RNF122: variants seen among roughly 807,000 people sequenced by gnomAD.
The protein encoded by RNF122 is ring finger protein 122.
In RNF122, 17 loss-of-function variants were observed where a neutral mutation model predicts 24.2. That is an observed-to-expected ratio of 0.70 (90% confidence interval 0.48 to 1.06). The LOEUF (loss-of-function observed/expected upper bound fraction) is 1.06. Among genes scored for constraint, RNF122 ranks in the 50% least tolerant of loss-of-function variants. The pLI is 0.00. For synonymous variants in RNF122, 65 were observed against 71.8 expected (o/e 0.91, Z 0.48); for missense variants, 168 against 198.1 (o/e 0.85, Z 0.91).
At chr8:33,559,282 G>T (rs1222299361) in intron 1 of RNF122, among the ~76,000 whole-genome samples, 1 of 151,686 alleles carries the variant, frequency 6.6e-6, no homozygotes, top group Admixed American at 6.6e-5. Context: ...CACCAGCCTG[G>T]GTGACAGCGT....
intron 1 of RNF122, among the ~76,000 whole-genome samples, chr8:33,562,556 A>AG (rs1428210890): frequency 6.6e-6 from 1 of 151,654 alleles, no homozygotes; most frequent in Middle Eastern, 3.4e-3. Flanking sequence ...AAAAAGAAAA[A>AG]GAAAAAAAAA....
intron 2 of RNF122, among the ~76,000 whole-genome samples, chr8:33,552,290 T>C (rs1341425698): frequency 6.6e-5 from 10 of 151,926 alleles, no homozygotes; most frequent in African/African-American, 2.4e-4. Context: ...TCCTAGCTAC[T>C]TGGGAGACTG....
chr8:33,566,617 G>T lies in RNF122; in HGVS notation c.25+82C>A, dbSNP rs995962774. ...AAACTTGGTTCCCGAGGGAGGACCA[G>T]CGCGCTGCTGTCCGACCTCGCACCC... is the stretch of plus-strand genomic sequence containing the variant. On this transcript the variant is annotated intron_variant, in intron 1 of 5. Transcript: ENST00000256257. 7 of 1,416,002 alleles carry T rather than the reference G, an allele frequency of 4.9e-6. No homozygotes were observed. In the East Asian group the frequency reaches 1.5e-4, roughly 30 times the overall value. The allele number at this position is 1,416,002 out of a possible 1,614,324, so 87.7% of individuals were successfully genotyped here.
chr8:33,566,484 G>T (rs538517620), intron 1 of RNF122, among the ~76,000 whole-genome samples: 1 of 152,150 alleles, frequency 6.6e-6, no homozygotes, highest in Non-Finnish European at 1.5e-5. Context: ...CCGCCAGTCC[G>T]GAGGCCCCTT....
chr8:33,565,482 C>T (rs1036994318), intron 1 of RNF122, among the ~76,000 whole-genome samples: 7 of 152,098 alleles, frequency 4.6e-5, no homozygotes, highest in African/African-American at 1.7e-4. Context: ...CGGAACAACG[C>T]GGTCAAGACT....
chr8:33,565,392 C>T (rs1218171777), intron 1 of RNF122, among the ~76,000 whole-genome samples: 1 of 151,890 alleles, frequency 6.6e-6, no homozygotes, highest in Admixed American at 6.6e-5. Context: ...TTTTTTTCCC[C>T]CTGTAACTAG....
chr8:33,557,894 G>A (rs1810479454), intron 2 of RNF122, among the ~76,000 whole-genome samples: 2 of 152,114 alleles, frequency 1.3e-5, no homozygotes, highest in Non-Finnish European at 2.9e-5. Flanking sequence ...TGCAATCCTA[G>A]CATTTTGGGA....
Position 33,567,069 on chromosome 8 carries a change from C to T in RNF122, c.-346G>A. On this transcript the variant is annotated 5_prime_UTR_variant, in exon 1 of 6. Coordinates refer to ENST00000256257, the MANE Select transcript of RNF122 (RefSeq NM_024787.3). ...CGGGGGAGGAGGGAAAAACCTTTGC[C>T]GGAGGCTCGGATCGGGTTCAGCGGC... 1 of 358,128 alleles carries T rather than the reference C, an allele frequency of 2.8e-6. No individual in the cohort carries two copies. The allele number at this position is 358,128 out of a possible 1,614,324, so 22.2% of individuals were successfully genotyped here.
chr8:33,558,004 G>A (rs772799693), intron 2 of RNF122, among the ~76,000 whole-genome samples: 19 of 152,208 alleles, frequency 1.2e-4, no homozygotes, highest in Non-Finnish European at 2.2e-4. Flanking sequence ...CTAGCCAGGC[G>A]TGGTGGCGTG....
rs376380189 is a variant in RNF122 at position 33,564,282 on chromosome 8, T to A, written c.25+2417A>T. Among the ~76,000 whole-genome samples the A allele has an allele frequency of 2.1e-4, 32 of 152,268 alleles. 1 individual carries two copies. Among genetic ancestry groups the A allele is most frequent in the African/African-American group, 7.2e-4 (30 of 41,542 alleles). On this transcript the variant is annotated intron_variant, in intron 1 of 5. Coordinates refer to ENST00000256257, the MANE Select transcript of RNF122 (RefSeq NM_024787.3). The stretch of plus-strand genomic sequence containing the variant: ...TGCAAAGAGGGCCAGACAAGGTGGC[T>A]CCTGCAGGTAATTCCAGCATTTTGA...
Position 33,566,708 on chromosome 8 carries a change from A to T in RNF122, c.16T>A (p.Trp6Arg). Residue 6 changes from tryptophan to arginine, a missense_variant, in exon 1 of 6, where the codon TGG (tryptophan) becomes AGG (arginine). Physicochemically the swap from Trp to Arg is moderately radical, Grantham distance 101 (BLOSUM62 -3). Transcript: ENST00000256257. ...CGCCCCGGGGACTCACCGTTACACC[A>T]CTGGAATGGGTGCATCAATGAAGTC... MHPFQ[W>R]CNGCFCGLGL... 1 of 1,605,276 alleles carries T rather than the reference A, an allele frequency of 6.2e-7. No homozygotes were observed.
At chr8:33,550,080 T>C (rs1356522246) in intron 4 of RNF122, among the ~76,000 whole-genome samples, 4 of 152,098 alleles carry the variant, frequency 2.6e-5, no homozygotes, top group Non-Finnish European at 4.4e-5. Flanking sequence ...ATTACAGGAA[T>C]GTGCCACCAC....
chr8:33,555,905 T>G (rs939956122), intron 2 of RNF122, among the ~76,000 whole-genome samples: 2 of 152,176 alleles, frequency 1.3e-5, no homozygotes, highest in Non-Finnish European at 2.9e-5. Context: ...CGGTGGCTCA[T>G]GCCTGTAATC....
At chr8:33,559,492 A>G (rs368945086) in intron 1 of RNF122, among the ~76,000 whole-genome samples, 64 of 152,306 alleles carry the variant, frequency 4.2e-4, no homozygotes, top group African/African-American at 1.4e-3. Context: ...GTTATATGAA[A>G]ACAAGCAAAA....
chr8:33,551,317 G>A (rs1185076798), intron 3 of RNF122, 27 bp downstream of exon 3: 8 of 1,613,518 alleles, frequency 5.0e-6, no homozygotes, highest in Non-Finnish European at 6.8e-6. Context: ...AGAGAAGGAA[G>A]CTTCTGGGAA....
At chr8:33,553,836 G>A (rs1005434848) in intron 2 of RNF122, among the ~76,000 whole-genome samples, 1 of 152,308 alleles carries the variant, frequency 6.6e-6, no homozygotes, top group African/African-American at 2.4e-5. Context: ...TCCTGGCGAG[G>A]TTCATGTTCC....
intron 2 of RNF122, among the ~76,000 whole-genome samples, chr8:33,558,303 G>A (rs1011302352): frequency 1.3e-5 from 2 of 152,164 alleles, no homozygotes; most frequent in Non-Finnish European, 2.9e-5. Flanking sequence ...GACAGACAAG[G>A]AAGGGACCAC....
At chr8:33,557,869 G>A (rs1364101242) in intron 2 of RNF122, among the ~76,000 whole-genome samples, 1 of 152,072 alleles carries the variant, frequency 6.6e-6, no homozygotes, top group Non-Finnish European at 1.5e-5. Context: ...CCGCCCGGGT[G>A]TGGTGACTCA....
At chr8:33,557,481 TA>T (rs981564096) in intron 2 of RNF122, among the ~76,000 whole-genome samples, 1 of 151,222 alleles carries the variant, frequency 6.6e-6, no homozygotes, top group African/African-American at 2.4e-5. Context: ...AATACAAAAA[TA>T]AAAATTAGCT....
Sources: allele counts gnomAD v4.1 joint callset (sites outside exome capture counted in the v4.1 genomes callset), GRCh38; gene constraint gnomAD v4.1.1; transcripts MANE v1.5; gene names NCBI Gene and HGNC (gene_info 2026-07-23, HGNC 2026-07-21).